DAB1: variants seen among roughly 807,000 people sequenced by gnomAD.
DAB1 encodes DAB adaptor protein 1, also known as disabled homolog 1.
A neutral mutation model predicts 64.6 loss-of-function variants in DAB1; 15 were observed. That is an observed-to-expected ratio of 0.23 (90% CI 0.16 to 0.36). The LOEUF (loss-of-function observed/expected upper bound fraction) is 0.36, where lower values mean the gene tolerates loss of function less well. Among genes scored for constraint, DAB1 ranks in the 10% least tolerant of loss-of-function variants. The probability of loss-of-function intolerance (pLI) is 1.00; values close to 1 mark genes in which losing one functional copy is unlikely to be tolerated. For missense variants in DAB1, 596 were observed against 706.7 expected, an observed-to-expected ratio of 0.84 and a Z score of 1.78; for synonymous variants, 235 against 251.9, an observed-to-expected ratio of 0.93 and a Z score of 0.64.
At chr1:57,387,681 G>A (rs918239939) in intron 1 of DAB1, among the ~76,000 whole-genome samples, 3 of 152,072 alleles carry the variant, frequency 2.0e-5, no homozygotes, top group Admixed American at 1.3e-4. Flanking sequence ...GATTAGCCAA[G>A]CATGGTGGCG....
intron 3 of DAB1, among the ~76,000 whole-genome samples, chr1:58,461,905 A>G (rs916993828): frequency 6.6e-6 from 1 of 152,122 alleles, no homozygotes; most frequent in Non-Finnish European, 1.5e-5. Flanking sequence ...GTTTCTGACA[A>G]TTACAAATAT....
chr1:57,198,302 G>A (rs60415659), intron 2 of DAB1, among the ~76,000 whole-genome samples: 5,210 of 152,136 alleles, frequency 0.034, 167 homozygotes, highest in African/African-American at 0.087. Context: ...AAGGAATGGT[G>A]CTGCCATCAA....
In DAB1 at chr1:57,198,649, T is replaced by TCTCTCTCTCACA. The variant is rs1477522407; in HGVS notation, c.68-53221_68-53220insTGTGAGAGAGAG. On this transcript the variant is annotated intron_variant, in intron 2 of 14. Transcript: ENST00000371236. ...CCTCCCTCCCTGCATCTTCTCTCTC[T>TCTCTCTCTCACA]CACACACACACACACACACACACAC... Among the ~76,000 whole-genome samples the TCTCTCTCTCACA allele has an allele frequency of 4.7e-5, 6 of 128,334 alleles. No homozygotes were observed. In the Admixed American group the frequency reaches 4.9e-4, roughly 10 times the overall value. The allele number at this position is 128,334 out of a possible 152,430, so 84.2% of individuals were successfully genotyped here.
intron 1 of DAB1, among the ~76,000 whole-genome samples, chr1:57,338,204 C>T (rs1278041781): frequency 3.9e-5 from 6 of 152,034 alleles, no homozygotes; most frequent in African/African-American, 1.2e-4. Context: ...AGGCTGGTCT[C>T]GAACTCCTGG....
chr1:58,432,239 TC>T (rs1224637200), intron 3 of DAB1, among the ~76,000 whole-genome samples: 15 of 152,160 alleles, frequency 9.9e-5, no homozygotes, highest in Non-Finnish European at 2.2e-4. Flanking sequence ...GGAGGAACCC[TC>T]CCCTAGACAC....
intron 9 of DAB1, among the ~76,000 whole-genome samples, chr1:57,032,905 T>G (rs1647009610): frequency 1.3e-5 from 2 of 152,210 alleles, no homozygotes; most frequent in South Asian, 4.1e-4. Flanking sequence ...TTATTCCCAG[T>G]GGTGTACTTG....
At chr1:58,406,052 C>G (rs1185797585) in intron 3 of DAB1, among the ~76,000 whole-genome samples, 1 of 152,196 alleles carries the variant, frequency 6.6e-6, no homozygotes, top group Non-Finnish European at 1.5e-5. Context: ...TTTGTGGTAA[C>G]CTATTTGTCT....
At chr1:57,136,748 C>T (rs1268352095) in intron 3 of DAB1, 107 bp from the exon 4 acceptor site, 1 of 539,942 alleles carries the variant, frequency 1.9e-6, no homozygotes, top group African/African-American at 1.9e-5. Flanking sequence ...CAATCATGCA[C>T]ACTGCTTTCC....
At chr1:58,253,118 G>A (rs1467576964) in intron 4 of DAB1, among the ~76,000 whole-genome samples, 2 of 152,116 alleles carry the variant, frequency 1.3e-5, no homozygotes, top group South Asian at 2.1e-4. Context: ...ATCTGACTTC[G>A]AACCTCTCCT....
intron 5 of DAB1, among the ~76,000 whole-genome samples, chr1:58,002,820 A>T (rs1211085547): frequency 6.6e-6 from 1 of 152,202 alleles, no homozygotes; most frequent in Non-Finnish European, 1.5e-5. Flanking sequence ...GAATCCAGGC[A>T]GACCTGGGTT....
At chr1:57,007,519 A>T (rs1168952890) in intron 14 of DAB1, among the ~76,000 whole-genome samples, 2 of 152,136 alleles carry the variant, frequency 1.3e-5, no homozygotes, top group Non-Finnish European at 2.9e-5. Flanking sequence ...GTAGGGGGAA[A>T]AAAGTGAAGT....
intron 2 of DAB1, among the ~76,000 whole-genome samples, chr1:57,151,916 C>T (rs895004191): frequency 6.7e-6 from 1 of 149,014 alleles, no homozygotes; most frequent in Admixed American, 6.8e-5. Context: ...CAGGTTCAAG[C>T]GATTCTCCCG....
At chr1:57,732,489 A>G (rs1445199933) in intron 6 of DAB1, among the ~76,000 whole-genome samples, 1 of 152,184 alleles carries the variant, frequency 6.6e-6, no homozygotes, top group Admixed American at 6.5e-5. Flanking sequence ...TACTGGAGAG[A>G]GTACTCTTGA....
chr1:57,570,393 CATAT>C (rs35497839), intron 7 of DAB1, among the ~76,000 whole-genome samples: 15 of 148,760 alleles, frequency 1.0e-4, no homozygotes, highest in Middle Eastern at 3.4e-3. Context: ...TTAACAAACT[CATAT>C]ATATATATAT....
chr1:57,660,761 G>C (rs1646377176), intron 6 of DAB1, among the ~76,000 whole-genome samples: 1 of 152,226 alleles, frequency 6.6e-6, no homozygotes, highest in Non-Finnish European at 1.5e-5. Context: ...TGACAGCAAA[G>C]GGGGAGGATA....
At chr1:58,428,713 CTA>C (rs1644842889) in intron 3 of DAB1, among the ~76,000 whole-genome samples, 1 of 152,110 alleles carries the variant, frequency 6.6e-6, no homozygotes, top group African/African-American at 2.4e-5. Context: ...TCTAAATACT[CTA>C]TTGGAAAGAG....
chr1:57,414,924 G>A (rs1347734528), intron 1 of DAB1, among the ~76,000 whole-genome samples: 1 of 152,002 alleles, frequency 6.6e-6, no homozygotes, highest in Non-Finnish European at 1.5e-5. Context: ...TCCTAATGAT[G>A]GCATTATCTT....
chr1:57,939,340 A>G (rs1354338159), intron 5 of DAB1, among the ~76,000 whole-genome samples: 2 of 152,170 alleles, frequency 1.3e-5, no homozygotes, highest in African/African-American at 2.4e-5. Flanking sequence ...GCTTCAATAT[A>G]CCAATGTGGG....
intron 2 of DAB1, among the ~76,000 whole-genome samples, chr1:58,520,182 A>G (rs978115734): frequency 1.3e-5 from 2 of 152,144 alleles, no homozygotes; most frequent in Non-Finnish European, 2.9e-5. Context: ...TCATTTGTAC[A>G]CCAAATCTTA....
Sources: gnomAD v4.1 joint callset for allele counts (sites outside exome capture counted in the v4.1 genomes callset) on GRCh38, gnomAD v4.1.1 for gene constraint, MANE v1.5 for transcripts, NCBI Gene and HGNC (gene_info 2026-07-23, HGNC 2026-07-21) for gene names.